Variants in ERC1 observed in about 807,000 individuals in gnomAD.
The protein encoded by ERC1 is RAB6 interacting protein 2.
ERC1 carries 56 observed loss-of-function variants against 132.0 expected under a neutral mutation model. That is an observed-to-expected ratio of 0.42 (90% CI 0.34 to 0.53). The LOEUF is 0.53. ERC1 is among the 20% of genes least tolerant of loss of function. ERC1 has a pLI of 0.03. For synonymous variants in ERC1, 478 were observed against 476.1 expected, an observed-to-expected ratio of 1.00 and a Z score of -0.05; for missense variants, 1,202 against 1,349.9, an observed-to-expected ratio of 0.89 and a Z score of 1.72.
At chr12:1,225,844 T>A (rs999272160) in intron 12 of ERC1, among the ~76,000 whole-genome samples, 1 of 152,204 alleles carries the variant, frequency 6.6e-6, no homozygotes, top group Non-Finnish European at 1.5e-5. Flanking sequence ...CTGCACCATT[T>A]AAATTTTTTT....
At chr12:1,225,441 C>T (rs1407715502) in intron 12 of ERC1, among the ~76,000 whole-genome samples, 2 of 98,544 alleles carry the variant, frequency 2.0e-5, no homozygotes, top group East Asian at 4.6e-4. Context: ...CAAAATGAGG[C>T]TGTCTCTTAC....
chr12:1,443,453 T>C (rs772702848), intron 17 of ERC1: 1 of 152,224 alleles, frequency 6.6e-6, no homozygotes, highest in Non-Finnish European at 1.5e-5. Context: ...TTGAAGATTA[T>C]TGAGCTCCCA....
intron 17 of ERC1, among the ~76,000 whole-genome samples, chr12:1,418,083 A>G (rs978275977): frequency 2.0e-4 from 31 of 152,226 alleles, no homozygotes. Context: ...ATTTGAAGCC[A>G]GATATGTCTA....
At chr12:1,302,290 A>G (rs1396234525) in intron 15 of ERC1, among the ~76,000 whole-genome samples, 9 of 152,218 alleles carry the variant, frequency 5.9e-5, no homozygotes, top group Admixed American at 5.9e-4. Flanking sequence ...TTTTAATAAA[A>G]GGCAACACCC....
At chr12:1,270,083 T>C (rs1429437955) in intron 14 of ERC1, among the ~76,000 whole-genome samples, 1 of 152,214 alleles carries the variant, frequency 6.6e-6, no homozygotes, top group East Asian at 1.9e-4. Context: ...TCTGAAGGAA[T>C]GCAAAGAGTT....
intron 16 of ERC1, among the ~76,000 whole-genome samples, chr12:1,387,514 C>A (rs1219768074): frequency 6.6e-6 from 1 of 152,168 alleles, no homozygotes; most frequent in East Asian, 1.9e-4. Flanking sequence ...TTAAGGATTT[C>A]AAGAAGAGAT....
At chr12:1,111,750 G>A (rs192897810) in intron 5 of ERC1, among the ~76,000 whole-genome samples, 124 of 151,896 alleles carry the variant, frequency 8.2e-4, no homozygotes, top group Non-Finnish European at 1.3e-3. Flanking sequence ...TGGGATTACA[G>A]GCGCCCACCA....
chr12:1,253,017 T>A (rs1192862505), intron 13 of ERC1, among the ~76,000 whole-genome samples: 1 of 152,216 alleles, frequency 6.6e-6, no homozygotes, highest in Non-Finnish European at 1.5e-5. Context: ...AACATTAATA[T>A]CTTTCAGAAC....
At chr12:1,281,653 C>T (rs1279337752) in intron 14 of ERC1, among the ~76,000 whole-genome samples, 2 of 152,090 alleles carry the variant, frequency 1.3e-5, no homozygotes, top group African/African-American at 4.8e-5. Context: ...CAATCTGTTG[C>T]TGAAATAAGC....
intron 1 of ERC1, among the ~76,000 whole-genome samples, chr12:1,020,285 C>T (rs1012046662): frequency 1.4e-4 from 21 of 152,210 alleles, no homozygotes; most frequent in African/African-American, 5.1e-4. Flanking sequence ...GGCGAAACCC[C>T]ATCTCTACTA....
chr12:1,286,467 G>A (rs1046328066), intron 14 of ERC1, among the ~76,000 whole-genome samples: 1 of 151,914 alleles, frequency 6.6e-6, no homozygotes, highest in African/African-American at 2.4e-5. Context: ...TTAATAAAGG[G>A]TATCTATTAA....
chr12:1,004,118 C>T (rs557553981), intron 1 of ERC1, among the ~76,000 whole-genome samples: 21 of 152,224 alleles, frequency 1.4e-4, no homozygotes, highest in Admixed American at 1.4e-3. Context: ...GATCACAGGG[C>T]ATTCCTCCAA....
intron 2 of ERC1, among the ~76,000 whole-genome samples, chr12:1,065,514 G>GTGTGTGTA (rs1938978404): frequency 2.0e-5 from 3 of 149,520 alleles, no homozygotes; most frequent in Non-Finnish European, 4.4e-5. Flanking sequence ...GTGTGTGTGT[G>GTGTGTGTA]TGTGTGTTTG....
At chr12:990,359 A>AAAAAAAAAC (rs1565722052), upstream of ERC1, 1 of 151,936 alleles carries the variant, frequency 6.6e-6, no homozygotes. Flanking sequence ...TGGCTCCAAA[A>AAAAAAAAAC]AAAAAACAAA....
intron 15 of ERC1, among the ~76,000 whole-genome samples, chr12:1,369,566 C>T (rs11061716): frequency 0.11 from 17,288 of 152,198 alleles, 2,435 homozygotes; most frequent in African/African-American, 0.33. Context: ...CATGCTGCCT[C>T]TTCCAGCTTG....
intron 8 of ERC1, among the ~76,000 whole-genome samples, chr12:1,142,791 AT>A (rs1386177619): frequency 6.6e-6 from 1 of 152,152 alleles, no homozygotes; most frequent in Non-Finnish European, 1.5e-5. Flanking sequence ...TGCTTTACCC[AT>A]TTTTGTTTTG....
At chr12:1,365,462 T>TTATGAGCCTAC (rs1409062545) in intron 15 of ERC1, among the ~76,000 whole-genome samples, 23 of 152,210 alleles carry the variant, frequency 1.5e-4, no homozygotes, top group Admixed American at 1.5e-3. Context: ...GATACATTCA[T>TTATGAGCCTAC]TATGAGCCTA....
At position 1,300,278 on chromosome 12, in the gene ERC1, A is replaced by C. The variant is rs149080139; in HGVS notation, c.2780+10266A>C. 3.3e-5 allele frequency among the ~76,000 whole-genome samples: 5 copies of C among 152,312 alleles called. No homozygotes were observed. In the East Asian group the frequency reaches 9.6e-4, roughly 29 times the overall value. On this transcript the variant is annotated intron_variant, in intron 15 of 18. Coordinates refer to ENST00000360905, the MANE Select transcript of ERC1 (RefSeq NM_178040.4). ...TGCCTAGCCATATGCAGAAGATTAA[A>C]ACTGGACTCTTTCCTTACACCATAT...
intron 7 of ERC1, among the ~76,000 whole-genome samples, chr12:1,128,117 T>TA (rs1948399417): frequency 6.6e-6 from 1 of 151,834 alleles, no homozygotes; most frequent in Non-Finnish European, 1.5e-5. Context: ...TTCCCACAGG[T>TA]AAAAGCATTG....
Sources: gnomAD v4.1 joint callset for allele counts (sites outside exome capture counted in the v4.1 genomes callset) on GRCh38, gnomAD v4.1.1 for gene constraint, MANE v1.5 for transcripts, NCBI Gene and HGNC (gene_info 2026-07-23, HGNC 2026-07-21) for gene names.